Variants in NF1 observed in about 807,000 individuals in gnomAD.
NF1 encodes the protein neurofibromin 1.
In NF1, 122 loss-of-function variants were observed where a neutral mutation model predicts 325.7. The observed-to-expected ratio is 0.37, with a 90% CI of 0.32 to 0.44. The LOEUF is 0.44. Among genes scored for constraint, NF1 ranks in the 20% least tolerant of loss-of-function variants. NF1 has a pLI of 1.00. For synonymous variants in NF1, 1,091 were observed against 1,186.0 expected (o/e 0.92, Z 1.65); for missense variants, 2,140 against 3,415.4 (o/e 0.63, Z 9.31).
intron 11 of NF1, among the ~76,000 whole-genome samples, chr17:31,204,723 C>T (rs1016117111): frequency 2.0e-5 from 3 of 151,806 alleles, no homozygotes; most frequent in African/African-American, 2.4e-5. Flanking sequence ...ATATGGGATG[C>T]CTTTCTTAGT....
chr17:31,325,715 T>C (rs2069322525), intron 36 of NF1, 105 bp from the exon 37 acceptor site: 3 of 891,650 alleles, frequency 3.4e-6, no homozygotes, highest in South Asian at 3.0e-5. Flanking sequence ...TGTTTTATAT[T>C]ATTCTCTCTA....
At chr17:31,244,405 G>T (rs1438962524) in intron 29 of NF1, among the ~76,000 whole-genome samples, 2 of 152,020 alleles carry the variant, frequency 1.3e-5, no homozygotes, top group East Asian at 3.9e-4. Context: ...CAGTCCTTGT[G>T]GGCCTAGACT....
At chr17:31,363,955 G>C (rs1015369824) in intron 57 of NF1, among the ~76,000 whole-genome samples, 3 of 148,806 alleles carry the variant, frequency 2.0e-5, no homozygotes, top group Non-Finnish European at 4.4e-5. Flanking sequence ...TGACCAGGCT[G>C]GTCTCGAACT....
intron 36 of NF1, among the ~76,000 whole-genome samples, chr17:31,322,347 G>C (rs553792247): frequency 1.3e-5 from 2 of 151,568 alleles, no homozygotes; most frequent in South Asian, 4.2e-4. Context: ...AGGCAGGGTA[G>C]CATGCACCTG....
At chr17:31,295,178 C>A in intron 36 of NF1, 1 of 1,614,148 alleles carries the variant, frequency 6.2e-7, no homozygotes, top group Non-Finnish European at 8.5e-7. Context: ...ATTTGGCATG[C>A]CACTAGTGAT....
In NF1 at chr17:31,260,234, A is replaced by G. The variant is rs556210627; in HGVS notation, c.4431-135A>G. ...GTCCTTTTTGCTTTGTCTAATGTCA[A>G]GTCACATTGTGTGAACAAGCCCTCC... is the stretch of plus-strand genomic sequence containing the variant. On this transcript the variant is annotated intron_variant, in intron 33 of 57. Transcript: ENST00000358273. 91 of 919,136 alleles carry G rather than the reference A, an allele frequency of 9.9e-5. No individual in the cohort carries two copies. The African/African-American group carries it at 1.3e-3, about 13-fold the overall frequency. The allele number at this position is 919,136 out of a possible 1,614,324, so 56.9% of individuals were successfully genotyped here.
chr17:31,142,637 GT>G (rs1432715019), intron 1 of NF1, among the ~76,000 whole-genome samples: 1 of 152,128 alleles, frequency 6.6e-6, no homozygotes, highest in East Asian at 1.9e-4. Context: ...GGAGGCCAAG[GT>G]GGGCAGATCA....
chr17:31,178,833 C>T (rs2066072410), intron 5 of NF1, among the ~76,000 whole-genome samples: 1 of 152,142 alleles, frequency 6.6e-6, no homozygotes, highest in African/African-American at 2.4e-5. Flanking sequence ...AATATATATG[C>T]ACCCAATACA....
Position 31,260,462 on chromosome 17 carries a change from TC to T in NF1, c.4525del (p.Arg1509ValfsTer65). 6.2e-7 allele frequency: 1 copy of T among 1,614,060 alleles called. No individual in the cohort carries two copies. The highest frequency in any genetic ancestry group is 8.5e-7 in the Non-Finnish European group (1 of 1,179,970). On this transcript the variant is annotated frameshift_variant, in exon 34 of 58. Transcript: ENST00000358273. LOFTEE classifies it high-confidence loss of function. The stretch of plus-strand genomic sequence containing the variant: ...GTGACGGCAATGTGCTTGCTTTACA[TC>T]GTCTACTCTGGAACAATCAGGAGAA... ...ISDGNVLALHRLLWNNQEKIG... is the reference protein window; with the variant it reads ...ISDGNVLALHXLLWNNQEKIG...
chr17:31,231,074 T>C (rs1307785741), intron 24 of NF1, 149 bp downstream of exon 24: 21 of 656,834 alleles, frequency 3.2e-5, no homozygotes, highest in Middle Eastern at 2.5e-4. Context: ...TGCTAATCTT[T>C]ATTACTGCTT....
rs1456364304 is a variant in NF1, at chr17:31,377,563, A to C, written c.*3408A>C. 2.1e-5 allele frequency: 5 copies of C among 233,064 alleles called. No homozygotes were observed. The highest frequency in any genetic ancestry group is 1.1e-4 in the African/African-American group (5 of 45,294). 14.4% of individuals were successfully genotyped at this position (233,064 alleles called of 1,614,324 possible). A position where few individuals can be genotyped will look rare whatever the true frequency, so the allele number is the denominator to read the frequency against. ...ACAAAATCGATCATTGTAGGGGAAA[A>C]TCATAGAAATCCATTTCAGATCTTT... On this transcript the variant is annotated 3_prime_UTR_variant, in exon 58 of 58. Coordinates refer to ENST00000358273, the MANE Select transcript of NF1 (RefSeq NM_001042492.3).
At chr17:31,278,407 GTTTTTTTTTTTT>G (rs376109355) in intron 36 of NF1, among the ~76,000 whole-genome samples, 15 of 109,548 alleles carry the variant, frequency 1.4e-4, no homozygotes, top group African/African-American at 4.4e-5. Context: ...GATTTTTTGG[GTTTTTTTTTTTT>G]TTTTTTTTTT....
chr17:31,376,392 A>C lies in NF1; in HGVS notation c.*2237A>C, dbSNP rs914843232. ...GGTGTAGTATTTCATACCGCCTGAA[A>C]TGATCAGCATTGGCACAAATCAAAA... On this transcript the variant is annotated 3_prime_UTR_variant, in exon 58 of 58. Coordinates refer to ENST00000358273, the MANE Select transcript of NF1 (RefSeq NM_001042492.3). 4 of 232,818 alleles carry C rather than the reference A, an allele frequency of 1.7e-5. No homozygotes were observed. The highest frequency in any genetic ancestry group is 3.4e-5 in the Non-Finnish European group (4 of 117,836). The allele number at this position is 232,818 out of a possible 1,614,324, so 14.4% of individuals were successfully genotyped here.
At chr17:31,119,540 A>T (rs1200136208) in intron 1 of NF1, among the ~76,000 whole-genome samples, 6 of 151,136 alleles carry the variant, frequency 4.0e-5, no homozygotes, top group South Asian at 4.2e-4. Context: ...GATTGCAAAA[A>T]TTTTCTCCCA....
intron 34 of NF1, among the ~76,000 whole-genome samples, chr17:31,261,467 C>T (rs991576031): frequency 7.9e-5 from 12 of 151,862 alleles, no homozygotes; most frequent in Admixed American, 2.0e-4. Flanking sequence ...AGCACATTCA[C>T]GGGAAAAGTA....
intron 8 of NF1, among the ~76,000 whole-genome samples, chr17:31,199,447 C>A (rs1202909576): frequency 6.6e-6 from 1 of 152,074 alleles, no homozygotes; most frequent in Non-Finnish European, 1.5e-5. Flanking sequence ...TGTATGATTT[C>A]AGTTTCTTTA....
intron 1 of NF1, among the ~76,000 whole-genome samples, chr17:31,097,337 A>C (rs995506675): frequency 6.6e-6 from 1 of 151,318 alleles, no homozygotes. Context: ...GGGCGCCTGT[A>C]ATCCCAGCTA....
rs562367786 is a variant in NF1, at chr17:31,338,126, G to A, written c.6806G>A (p.Arg2269His). 7.4e-6 allele frequency: 12 copies of A among 1,611,780 alleles called. No individual in the cohort carries two copies. The highest frequency in any genetic ancestry group is 5.0e-5 in the Admixed American group (3 of 59,956). Residue 2269 changes from arginine to histidine, a missense_variant, in exon 45 of 58, where the codon CGT (arginine) becomes CAT (histidine). Transcript: ENST00000358273. Reference sequence around the variant, plus strand: ...CATGGGCAGATAAAGCAGATAATCCGTATTCTTAGCAAGGTACCTGTTCCG... The same window carrying A: ...CATGGGCAGATAAAGCAGATAATCCATATTCTTAGCAAGGTACCTGTTCCG... ...VSHGQIKQII[R>H]ILSKALESCL...
intron 1 of NF1, among the ~76,000 whole-genome samples, chr17:31,130,463 G>A (rs536897206): frequency 3.9e-5 from 6 of 152,196 alleles, no homozygotes; most frequent in African/African-American, 1.2e-4. Context: ...AGGCCAGGGC[G>A]GGGGGCTGCT....
Sources: gnomAD v4.1 joint callset for allele counts (sites outside exome capture counted in the v4.1 genomes callset) on GRCh38, gnomAD v4.1.1 for gene constraint, MANE v1.5 for transcripts, NCBI Gene and HGNC (gene_info 2026-07-23, HGNC 2026-07-21) for gene names.